Variants in ATP8A1 observed in about 807,000 individuals in gnomAD.
ATP8A1 encodes phospholipid-transporting ATPase IA.
In ATP8A1, 90 loss-of-function variants were observed where a neutral mutation model predicts 177.7. That is an observed-to-expected ratio of 0.51 (90% CI 0.43 to 0.60). ATP8A1 has a LOEUF of 0.60. Ranked by LOEUF, ATP8A1 falls within the 20% of genes least tolerant of loss-of-function variation. The pLI is 0.00. For missense variants in ATP8A1, 1,072 were observed against 1,392.8 expected (o/e 0.77, Z 3.67); for synonymous variants, 493 against 485.9 (o/e 1.01, Z -0.19).
chr4:42,528,047 G>A (rs1426524280), intron 20 of ATP8A1, among the ~76,000 whole-genome samples: 1 of 152,104 alleles, frequency 6.6e-6, no homozygotes, highest in African/African-American at 2.4e-5. Context: ...TGATTCCAGG[G>A]GACCCAAAAT....
chr4:42,494,267 G>T (rs929245356), intron 24 of ATP8A1, among the ~76,000 whole-genome samples: 9 of 151,508 alleles, frequency 5.9e-5, no homozygotes, highest in African/African-American at 1.9e-4. Flanking sequence ...GAGGTCAGGA[G>T]TTCGACACCA....
chr4:42,445,633 G>A (rs1340958855), intron 31 of ATP8A1, among the ~76,000 whole-genome samples: 1 of 152,220 alleles, frequency 6.6e-6, no homozygotes, highest in Admixed American at 6.5e-5. Flanking sequence ...CACACAGCAT[G>A]TGATAAGACA....
At chr4:42,488,539 T>C (rs1006566273) in intron 24 of ATP8A1, among the ~76,000 whole-genome samples, 1 of 152,176 alleles carries the variant, frequency 6.6e-6, no homozygotes, top group Non-Finnish European at 1.5e-5. Context: ...AACAGAGACA[T>C]CTCTTTATAA....
chr4:42,461,111 T>C (rs954921449), intron 27 of ATP8A1, among the ~76,000 whole-genome samples: 6 of 152,222 alleles, frequency 3.9e-5, no homozygotes, highest in Admixed American at 2.0e-4. Context: ...ATGTAAAATA[T>C]ACTCCAGATT....
chr4:42,501,283 A>G (rs983321271), intron 24 of ATP8A1, among the ~76,000 whole-genome samples: 3 of 152,260 alleles, frequency 2.0e-5, no homozygotes, highest in South Asian at 2.1e-4. Flanking sequence ...ACAAAATTTT[A>G]TAACATCTCA....
At chr4:42,531,376 A>G (rs1412910081) in intron 20 of ATP8A1, among the ~76,000 whole-genome samples, 1 of 152,246 alleles carries the variant, frequency 6.6e-6, no homozygotes, top group African/African-American at 2.4e-5. Flanking sequence ...GCAGTCAACA[A>G]TACCAGTTAC....
intron 5 of ATP8A1, among the ~76,000 whole-genome samples, chr4:42,607,993 T>C (rs1340271981): frequency 6.6e-6 from 1 of 152,184 alleles, no homozygotes; most frequent in African/African-American, 2.4e-5. Flanking sequence ...ACACACCTGT[T>C]ATAGTTTTCT....
chr4:42,609,075 C>T (rs1736110327), intron 5 of ATP8A1, among the ~76,000 whole-genome samples: 1 of 152,162 alleles, frequency 6.6e-6, no homozygotes, highest in Non-Finnish European at 1.5e-5. Context: ...CTGGATTCCT[C>T]TTTCAATCAT....
intron 30 of ATP8A1, among the ~76,000 whole-genome samples, chr4:42,449,420 T>C (rs748391394): frequency 5.3e-5 from 8 of 152,188 alleles, no homozygotes; most frequent in Non-Finnish European, 1.0e-4. Context: ...CCACTGTTTG[T>C]GGATGGCAAA....
chr4:42,620,317 T>C (rs538637584), intron 4 of ATP8A1, among the ~76,000 whole-genome samples: 1 of 152,342 alleles, frequency 6.6e-6, no homozygotes, highest in South Asian at 2.1e-4. Flanking sequence ...TTCTTAACAG[T>C]GATTTCATTG....
At chr4:42,528,335 A>C (rs1726913862) in intron 20 of ATP8A1, among the ~76,000 whole-genome samples, 1 of 152,136 alleles carries the variant, frequency 6.6e-6, no homozygotes. Flanking sequence ...TAAATCAAAA[A>C]CAATATCACA....
intron 2 of ATP8A1, chr4:42,625,939 T>C (rs1344876066): frequency 6.2e-6 from 2 of 323,198 alleles, no homozygotes; most frequent in Non-Finnish European, 1.1e-5. Flanking sequence ...GCATAATCTT[T>C]TGTCCTATTT....
intron 1 of ATP8A1, among the ~76,000 whole-genome samples, chr4:42,640,155 G>T (rs1739823222): frequency 6.6e-6 from 1 of 151,910 alleles, no homozygotes; most frequent in African/African-American, 2.4e-5. Context: ...TTTTAAAATG[G>T]GAGTCTACAG....
chr4:42,426,862 T>C (rs1280474186), intron 33 of ATP8A1, among the ~76,000 whole-genome samples: 1 of 152,198 alleles, frequency 6.6e-6, no homozygotes, highest in African/African-American at 2.4e-5. Flanking sequence ...AGATCCCTAA[T>C]AAAGTGCCAT....
intron 19 of ATP8A1, among the ~76,000 whole-genome samples, 154 bp from the exon 20 acceptor site, chr4:42,544,140 G>A (rs2153207125): frequency 6.6e-6 from 1 of 152,160 alleles, no homozygotes. Flanking sequence ...TATCCCTTGG[G>A]TGTACAGCTG....
chr4:42,589,051 C>A (rs948046725), intron 7 of ATP8A1, among the ~76,000 whole-genome samples: 1 of 152,156 alleles, frequency 6.6e-6, no homozygotes, highest in Non-Finnish European at 1.5e-5. Flanking sequence ...GGGTTCCCCA[C>A]CAGTGTGTCT....
At chr4:42,490,193 C>A (rs536306689) in intron 24 of ATP8A1, among the ~76,000 whole-genome samples, 2 of 152,320 alleles carry the variant, frequency 1.3e-5, no homozygotes, top group Admixed American at 6.5e-5. Context: ...CCCACAGCAC[C>A]ACACAGACAG....
At chr4:42,517,291 C>CAAAA (rs34576268) in intron 22 of ATP8A1, among the ~76,000 whole-genome samples, 2 of 102,428 alleles carry the variant, frequency 2.0e-5, no homozygotes, top group African/African-American at 6.9e-5. Flanking sequence ...GACTCCGTCT[C>CAAAA]AAAAAAAAAA....
chr4:42,480,256 T>C (rs1208324676), intron 25 of ATP8A1, among the ~76,000 whole-genome samples: 2 of 152,178 alleles, frequency 1.3e-5, no homozygotes, highest in South Asian at 2.1e-4. Context: ...CAAGGTGGAA[T>C]AGCAAAGGAG....
Sources: allele counts gnomAD v4.1 joint callset (sites outside exome capture counted in the v4.1 genomes callset), GRCh38; gene constraint gnomAD v4.1.1; transcripts MANE v1.5; gene names NCBI Gene and HGNC (gene_info 2026-07-23, HGNC 2026-07-21).